Variants in ERGIC2 observed in about 807,000 individuals in gnomAD.
ERGIC2 encodes ERGIC and golgi 2.
A neutral mutation model predicts 52.5 loss-of-function variants in ERGIC2; 31 were observed. The ratio of observed to expected loss-of-function variants is 0.59; its 90% CI spans 0.44 to 0.80. The LOEUF is 0.80. ERGIC2 is among the 30% of genes least tolerant of loss of function. The pLI, the probability that ERGIC2 is intolerant of heterozygous loss-of-function variation, is 0.00. For synonymous variants in ERGIC2, 129 were observed against 140.6 expected (o/e 0.92, Z 0.58); for missense variants, 395 against 455.2 (o/e 0.87, Z 1.20).
chr12:29,358,421 C>T (rs1940238362), intron 6 of ERGIC2, among the ~76,000 whole-genome samples: 1 of 152,138 alleles, frequency 6.6e-6, no homozygotes, highest in South Asian at 2.1e-4. Context: ...ATAATTTTTA[C>T]AGCAGTGAAA....
At chr12:29,360,126 G>A (rs1940262771) in intron 6 of ERGIC2, among the ~76,000 whole-genome samples, 1 of 151,988 alleles carries the variant, frequency 6.6e-6, no homozygotes, top group African/African-American at 2.4e-5. Flanking sequence ...ACAGAAACAA[G>A]TACTCTAATA....
At chr12:29,344,498 A>T (rs1940014884) in intron 11 of ERGIC2, among the ~76,000 whole-genome samples, 1 of 152,156 alleles carries the variant, frequency 6.6e-6, no homozygotes, top group African/African-American at 2.4e-5. Context: ...GAAAAGCACA[A>T]TATGTTCTGG....
At chr12:29,351,086 CT>C (rs1940124579) in intron 8 of ERGIC2, among the ~76,000 whole-genome samples, 2 of 151,964 alleles carry the variant, frequency 1.3e-5, no homozygotes, top group African/African-American at 2.4e-5. Context: ...AAAAAATATA[CT>C]GCTAAGCCAT....
At chr12:29,368,166 T>C (rs748754816) in intron 4 of ERGIC2, 75 bp downstream of exon 4, 3 of 889,010 alleles carry the variant, frequency 3.4e-6, no homozygotes, top group African/African-American at 1.7e-5. Context: ...GTACAACCAG[T>C]GATTTTTATT....
At position 29,339,688 on chromosome 12, in the gene ERGIC2, C is replaced by A. The variant is rs781012208; in HGVS notation, c.*1468G>T. The A allele has an allele frequency of 5.3e-5, 8 of 152,110 alleles. No individual in the cohort carries two copies. The highest frequency in any genetic ancestry group is 1.0e-4 in the Non-Finnish European group (7 of 67,992). 9.4% of individuals were successfully genotyped at this position (152,110 alleles called of 1,614,324 possible). On this transcript the variant is annotated 3_prime_UTR_variant, in exon 14 of 14. Transcript: ENST00000360150. ...AAAACGTCATTCTGCATAAACTTTACTGCAAAACAGACCCATCACTATTTC... is the reference window on the plus strand; with the variant it reads ...AAAACGTCATTCTGCATAAACTTTAATGCAAAACAGACCCATCACTATTTC...
chr12:29,366,993 G>T, intron 4 of ERGIC2, 46 bp from the exon 5 acceptor site: 2 of 1,181,156 alleles, frequency 1.7e-6, no homozygotes, highest in Non-Finnish European at 1.2e-6. Flanking sequence ...ATGCTTGGAG[G>T]CAAACCATCC....
intron 1 of ERGIC2, among the ~76,000 whole-genome samples, chr12:29,374,029 T>A (rs1940481133): frequency 6.6e-6 from 1 of 152,122 alleles, no homozygotes; most frequent in Admixed American, 6.6e-5. Flanking sequence ...TATCTGTATG[T>A]CTCTTCTCTT....
At position 29,340,897 on chromosome 12, in the gene ERGIC2, A is replaced by C; in HGVS notation, c.*259T>G. 2.0e-6 allele frequency: 1 copy of C among 509,220 alleles called. No individual in the cohort carries two copies. Among genetic ancestry groups the C allele is most frequent in the Non-Finnish European group, 3.6e-6 (1 of 277,004 alleles). 31.5% of individuals were successfully genotyped at this position (509,220 alleles called of 1,614,324 possible). A position where few individuals can be genotyped will look rare whatever the true frequency, so the allele number is the denominator to read the frequency against. ...ACCCATTTGCTATGAAAATATAAGA[A>C]GGCGTCATCTTCAAAGCAACACTCC... On this transcript the variant is annotated 3_prime_UTR_variant, in exon 14 of 14. Coordinates refer to ENST00000360150, the MANE Select transcript of ERGIC2 (RefSeq NM_016570.3).
intron 2 of ERGIC2, 44 bp from the exon 3 acceptor site, chr12:29,370,266 A>C (rs752355106): frequency 6.7e-7 from 1 of 1,498,544 alleles, no homozygotes; most frequent in East Asian, 2.5e-5. Context: ...TAAAACAATA[A>C]AAAAAGCAAA....
chr12:29,379,850 GA>G (rs571254508), intron 1 of ERGIC2, among the ~76,000 whole-genome samples: 4,476 of 147,978 alleles, frequency 0.03, 211 homozygotes, highest in African/African-American at 0.1. Flanking sequence ...TTCTGGTAAA[GA>G]AAAAAAAAAT....
In ERGIC2 at chr12:29,370,198, A is replaced by G; in HGVS notation, c.131T>C (p.Met44Thr). The G allele has an allele frequency of 6.4e-7, 1 of 1,550,908 alleles. No homozygotes were observed. The highest frequency in any genetic ancestry group is 8.6e-7 in the Non-Finnish European group (1 of 1,158,994). The change falls in exon 3 of 14, where the codon ATG becomes ACG. Residue 44 changes from methionine to threonine, a missense_variant. Met to Thr is a moderately conservative substitution (Grantham distance 81). Transcript: ENST00000360150. ...GTVSLIAFTT[M>T]ALLTIMEFSV... is the part of the protein sequence containing the mutation. ...GAATTCCATTATGGTTAATAAAGCC[A>G]TAGTTGTAAATGCTATTAGAGAAAC...
chr12:29,365,943 T>C (rs1940356348), intron 5 of ERGIC2, among the ~76,000 whole-genome samples: 1 of 151,980 alleles, frequency 6.6e-6, no homozygotes. Context: ...ATTTAAAATG[T>C]ATATGTCAAA....
rs1293568289 is a variant in ERGIC2 at position 29,349,872 on chromosome 12, A to C, written c.628+141T>G. 6.9e-6 allele frequency: 4 copies of C among 579,846 alleles called. No homozygotes were observed. The South Asian group carries it at 1.0e-4, about 15-fold the overall frequency. 35.9% of individuals were successfully genotyped at this position (579,846 alleles called of 1,614,324 possible). On this transcript the variant is annotated intron_variant, in intron 9 of 13. Coordinates refer to ENST00000360150, the MANE Select transcript of ERGIC2 (RefSeq NM_016570.3). ...ACCAAATACAAATGCAGATTAAAGTAAATCAATTTAAAAATTTATTTTTTC... is the reference window on the plus strand; with the variant it reads ...ACCAAATACAAATGCAGATTAAAGTCAATCAATTTAAAAATTTATTTTTTC...
chr12:29,349,876 C>T, intron 9 of ERGIC2, 137 bp downstream of exon 9: 1 of 583,146 alleles, frequency 1.7e-6, no homozygotes, highest in Non-Finnish European at 3.1e-6. Context: ...TAAAGTAAAT[C>T]AATTTAAAAA....
At chr12:29,373,219 G>C (rs527529745) in intron 1 of ERGIC2, among the ~76,000 whole-genome samples, 19 of 152,198 alleles carry the variant, frequency 1.2e-4, no homozygotes, top group African/African-American at 4.6e-4. Flanking sequence ...TTGGCTGCTT[G>C]CTATTTATCA....
At chr12:29,363,498 A>AT (rs1476212305) in intron 5 of ERGIC2, among the ~76,000 whole-genome samples, 1 of 151,968 alleles carries the variant, frequency 6.6e-6, no homozygotes, top group Non-Finnish European at 1.5e-5. Context: ...AAATATTACT[A>AT]ATGAAAAGTA....
At chr12:29,371,432 TA>T (rs3214493) in intron 2 of ERGIC2, 95 bp downstream of exon 2, 236,656 of 778,408 alleles carry the variant, frequency 0.3, 36,907 homozygotes, top group East Asian at 0.36. Flanking sequence ...AATTCATTGA[TA>T]AATTCTTCCT....
intron 10 of ERGIC2, among the ~76,000 whole-genome samples, chr12:29,348,085 T>A (rs1940082560): frequency 6.6e-6 from 1 of 152,164 alleles, no homozygotes; most frequent in South Asian, 2.1e-4. Flanking sequence ...TAGATTATAC[T>A]GACTAAAGCT....
At position 29,337,367 on chromosome 12, in the gene ERGIC2, TTTA is replaced by T. The variant is rs1239875562; in HGVS notation, c.*3786_*3788del. On this transcript the variant is annotated 3_prime_UTR_variant, in exon 14 of 14. Coordinates refer to ENST00000360150, the MANE Select transcript of ERGIC2 (RefSeq NM_016570.3). The stretch of plus-strand genomic sequence containing the variant: ...ACAAAAAAAGTTTCATAATTTGTCA[TTTA>T]TTGAGTCCAAATGTTTATGCTTGCA... The T allele has an allele frequency of 6.6e-6, 1 of 152,004 alleles. No homozygotes were observed. The highest frequency in any genetic ancestry group is 1.5e-5 in the Non-Finnish European group (1 of 68,028). 9.4% of individuals were successfully genotyped at this position (152,004 alleles called of 1,614,324 possible). A position where few individuals can be genotyped will look rare whatever the true frequency, so the allele number is the denominator to read the frequency against.
Sources: allele counts gnomAD v4.1 joint callset (sites outside exome capture counted in the v4.1 genomes callset), GRCh38; gene constraint gnomAD v4.1.1; transcripts MANE v1.5; gene names NCBI Gene and HGNC (gene_info 2026-07-23, HGNC 2026-07-21).